The following ELSPBP1 variants were observed in gnomAD, a reference collection of about 807,000 sequenced individuals.
The protein encoded by ELSPBP1 is epididymal sperm binding protein 1.
A neutral mutation model predicts 33.3 loss-of-function variants in ELSPBP1; 38 were observed. The observed-to-expected ratio is 1.14, with a 90% CI of 0.88 to 1.50. ELSPBP1 has a LOEUF of 1.50. Among genes scored for constraint, ELSPBP1 ranks in the 40% most tolerant of loss-of-function variants. The pLI, the probability that ELSPBP1 is intolerant of heterozygous loss-of-function variation, is 0.00. For missense variants in ELSPBP1, 267 were observed against 263.5 expected (o/e 1.01, Z -0.09); for synonymous variants, 85 against 94.1 (o/e 0.90, Z 0.56).
intron 4 of ELSPBP1, among the ~76,000 whole-genome samples, chr19:48,018,769 TC>T (rs1264777077): frequency 6.6e-6 from 1 of 151,778 alleles, no homozygotes; most frequent in Non-Finnish European, 1.5e-5. Context: ...AAATTCTAGC[TC>T]CCCATGAAAG....
At chr19:48,007,297 C>T (rs1328676292) in intron 1 of ELSPBP1, among the ~76,000 whole-genome samples, 1 of 152,052 alleles carries the variant, frequency 6.6e-6, no homozygotes, top group African/African-American at 2.4e-5. Context: ...ATAGACAGGC[C>T]CGCACTGACT....
At chr19:48,006,304 C>T (rs903688444) in intron 1 of ELSPBP1, among the ~76,000 whole-genome samples, 9 of 151,986 alleles carry the variant, frequency 5.9e-5, no homozygotes, top group South Asian at 2.1e-4. Context: ...TGTTTTGACA[C>T]GACGAAACTG....
At chr19:48,013,121 T>C (rs10412712) in intron 2 of ELSPBP1, among the ~76,000 whole-genome samples, 152,064 of 152,300 alleles carry the variant, frequency 1, 75,916 homozygotes, top group Middle Eastern at 1. Flanking sequence ...GATTTTTTTC[T>C]AGTCTATATT....
At chr19:48,005,309 A>G (rs1038215340) in intron 1 of ELSPBP1, among the ~76,000 whole-genome samples, 1 of 152,224 alleles carries the variant, frequency 6.6e-6, no homozygotes, top group African/African-American at 2.4e-5. Flanking sequence ...ACAGGACAAC[A>G]GTTGAATAGT....
At chr19:48,001,142 A>G (rs1600100816) in intron 1 of ELSPBP1, among the ~76,000 whole-genome samples, 1 of 148,230 alleles carries the variant, frequency 6.7e-6, no homozygotes, top group Admixed American at 6.7e-5. Flanking sequence ...CTGTTGTCAC[A>G]CCTGGTTTTC....
intron 6 of ELSPBP1, among the ~76,000 whole-genome samples, chr19:48,023,947 T>G (rs1967242490): frequency 6.6e-6 from 1 of 152,042 alleles, no homozygotes; most frequent in Non-Finnish European, 1.5e-5. Flanking sequence ...CTCAGCTCAC[T>G]GCAGCCTCTG....
intron 1 of ELSPBP1, among the ~76,000 whole-genome samples, chr19:47,998,060 C>T (rs1349490719): frequency 6.6e-6 from 1 of 152,162 alleles, no homozygotes; most frequent in Non-Finnish European, 1.5e-5. Context: ...TTGCTAGTGT[C>T]ACCATCTTTT....
In ELSPBP1 at chr19:48,011,341, T is replaced by A. The variant is rs1286097853; in HGVS notation, c.70+2604T>A. 6.6e-6 allele frequency among the ~76,000 whole-genome samples: 1 copy of A among 151,580 alleles called. No individual in the cohort carries two copies. The highest frequency in any genetic ancestry group is 2.4e-5 in the African/African-American group (1 of 41,186). On this transcript the variant is annotated intron_variant, in intron 2 of 6. Transcript: ENST00000339841. This position sits in a 1 kb window ranked among gnomAD's most constrained non-coding sequence, Gnocchi z 4.5. ...TGATGGTGACAATGACTGATGATGA[T>A]GACAATTATGACGATGATGATGATG...
rs1040286548 is a variant in ELSPBP1, at chr19:48,011,407, TAATG to T, written c.70+2672_70+2675del. Among the ~76,000 whole-genome samples the T allele has an allele frequency of 1.3e-5, 2 of 149,678 alleles. No individual in the cohort carries two copies. The highest frequency in any genetic ancestry group is 3.0e-5 in the Non-Finnish European group (2 of 67,590). On this transcript the variant is annotated intron_variant, in intron 2 of 6. Transcript: ENST00000339841. The surrounding 1 kb of genome is among the most constrained non-coding windows in gnomAD (Gnocchi z 4.5). ...ATGACGATGATAATGATGATGTCAA[TAATG>T]ATGTGATGAGGAGGAGAATAATGAT... is the stretch of plus-strand genomic sequence containing the variant.
chr19:48,022,252 A>C lies in ELSPBP1; in HGVS notation c.597A>C (p.Glu199Asp), dbSNP rs1175656144. 6 of 1,613,842 alleles carry C rather than the reference A, an allele frequency of 3.7e-6. No homozygotes were observed. The highest frequency in any genetic ancestry group is 1.6e-4 in the Middle Eastern group (1 of 6,084). ...KNKNYFNCTN[E>D]GSKENLVWCA... ...AGAATTATTTTAACTGCACTAACGAAGGATCAAAGGAGAACCTTGTGTGGT... is the reference window on the plus strand; with the variant it reads ...AGAATTATTTTAACTGCACTAACGACGGATCAAAGGAGAACCTTGTGTGGT... Residue 199 changes from glutamate to aspartate, a missense_variant, in exon 6 of 7, where the codon GAA (glutamate) becomes GAC (aspartate). Glu to Asp is a conservative substitution (Grantham distance 45, BLOSUM62 2). Transcript: ENST00000339841.
rs142264702 is a variant in ELSPBP1 at position 48,010,196 on chromosome 19, G to A, written c.70+1459G>A. ...AAGGGCATATGAATATTCTCCTAGA[G>A]AGAAGTTCTGGGTTCTCAAAGAACT... On this transcript the variant is annotated intron_variant, in intron 2 of 6. Coordinates refer to ENST00000339841, the MANE Select transcript of ELSPBP1 (RefSeq NM_022142.5). 6.2e-3 allele frequency among the ~76,000 whole-genome samples: 951 copies of A among 152,320 alleles called. 12 individuals carry two copies. Among genetic ancestry groups the A allele is most frequent in the Middle Eastern group, 0.02 (6 of 294 alleles).
At chr19:48,002,940 T>C (rs915670462) in intron 1 of ELSPBP1, among the ~76,000 whole-genome samples, 1 of 152,154 alleles carries the variant, frequency 6.6e-6, no homozygotes, top group Admixed American at 6.6e-5. Flanking sequence ...TCTCCCTCAT[T>C]TGATGATTGG....
At chr19:48,017,537 C>G (rs916219066) in intron 4 of ELSPBP1, among the ~76,000 whole-genome samples, 1 of 152,084 alleles carries the variant, frequency 6.6e-6, no homozygotes, top group Non-Finnish European at 1.5e-5. Context: ...GTCATTAATA[C>G]ATCATTAATT....
chr19:48,000,271 C>T (rs1039006033), intron 1 of ELSPBP1, among the ~76,000 whole-genome samples: 5 of 145,692 alleles, frequency 3.4e-5, no homozygotes, highest in Non-Finnish European at 7.5e-5. Flanking sequence ...CTCACTCTGC[C>T]CAGGCTGTAA....
chr19:48,003,241 T>C (rs1338280371), intron 1 of ELSPBP1, among the ~76,000 whole-genome samples: 1 of 152,242 alleles, frequency 6.6e-6, no homozygotes, highest in Non-Finnish European at 1.5e-5. Flanking sequence ...TAACTTGGTC[T>C]GTGCAGAGTC....
At chr19:48,000,733 A>G (rs767081871) in intron 1 of ELSPBP1, among the ~76,000 whole-genome samples, 1 of 152,170 alleles carries the variant, frequency 6.6e-6, no homozygotes, top group African/African-American at 2.4e-5. Context: ...ATGGAGCCAC[A>G]CAGCTGGCTT....
intron 1 of ELSPBP1, among the ~76,000 whole-genome samples, chr19:47,999,106 A>G (rs777206470): frequency 2.0e-5 from 3 of 152,178 alleles, no homozygotes; most frequent in Non-Finnish European, 4.4e-5. Flanking sequence ...GTTTTGGTTC[A>G]AACATCACCT....
At chr19:48,012,229 G>C (rs902221799) in intron 2 of ELSPBP1, among the ~76,000 whole-genome samples, 1 of 152,114 alleles carries the variant, frequency 6.6e-6, no homozygotes, top group East Asian at 1.9e-4. Context: ...AGGCTCAAAG[G>C]GTCTTCCCCT....
At position 48,015,875 on chromosome 19, in the gene ELSPBP1, G is replaced by A. The variant is rs757694076; in HGVS notation, c.209-18G>A. 1.9e-6 allele frequency: 3 copies of A among 1,591,092 alleles called. No individual in the cohort carries two copies. Among genetic ancestry groups the A allele is most frequent in the South Asian group, 1.1e-5 (1 of 89,736 alleles). On this transcript the variant is annotated intron_variant, in intron 3 of 6. Transcript: ENST00000339841. ...GACTAGAGGAAGTTAAGACACTCAC[G>A]AACTCTGTTCCTAACAGATTACCCA...
Sources: gnomAD v4.1 joint callset for allele counts (sites outside exome capture counted in the v4.1 genomes callset) on GRCh38, gnomAD v4.1.1 for gene constraint, Gnocchi (gnomAD v3.1) non-coding constraint, MANE v1.5 for transcripts, NCBI Gene and HGNC (gene_info 2026-07-23, HGNC 2026-07-21) for gene names.